ADAMTS12: variants seen among roughly 807,000 people sequenced by gnomAD.
ADAMTS12 encodes A disintegrin and metalloproteinase with thrombospondin motifs 12.
In ADAMTS12, 118 loss-of-function variants were observed where a neutral mutation model predicts 167.8. That is an observed-to-expected ratio of 0.70 (90% confidence interval 0.61 to 0.82). ADAMTS12 has a LOEUF of 0.82. Ranked by LOEUF, ADAMTS12 falls within the 40% of genes least tolerant of loss-of-function variation. The pLI, the probability that ADAMTS12 is intolerant of heterozygous loss-of-function variation, is 0.00. For synonymous variants in ADAMTS12, 704 were observed against 716.9 expected (o/e 0.98, Z 0.29); for missense variants, 1,916 against 1,998.8 (o/e 0.96, Z 0.79).
At chr5:33,768,637 AG>A (rs568192538) in intron 2 of ADAMTS12, among the ~76,000 whole-genome samples, 80 of 152,294 alleles carry the variant, frequency 5.3e-4, no homozygotes, top group African/African-American at 1.9e-3. Context: ...ATAATTTATA[AG>A]GTTTTTAATG....
chr5:33,586,556 C>T (rs1014445754), intron 18 of ADAMTS12, among the ~76,000 whole-genome samples: 2 of 152,204 alleles, frequency 1.3e-5, no homozygotes, highest in Admixed American at 6.5e-5. Flanking sequence ...CAGGTTACTA[C>T]GCTTCCCATA....
chr5:33,743,650 G>A (rs1255930232), intron 3 of ADAMTS12, among the ~76,000 whole-genome samples: 1 of 152,156 alleles, frequency 6.6e-6, no homozygotes, highest in Non-Finnish European at 1.5e-5. Flanking sequence ...AGCTCGCTGA[G>A]TAAATGAAAT....
intron 12 of ADAMTS12, among the ~76,000 whole-genome samples, chr5:33,635,824 G>A (rs1740165895): frequency 6.6e-6 from 1 of 152,178 alleles, no homozygotes; most frequent in Admixed American, 6.5e-5. Context: ...TGCTGTTCAA[G>A]GTAGTAGCTA....
At chr5:33,704,602 A>T (rs1946263) in intron 3 of ADAMTS12, among the ~76,000 whole-genome samples, 130,820 of 152,168 alleles carry the variant, frequency 0.86, 56,507 homozygotes, top group Non-Finnish European at 0.89. Flanking sequence ...TGATTAGTAA[A>T]GTTGATCCCG....
At chr5:33,577,376 C>T (rs915421344) in intron 18 of ADAMTS12, among the ~76,000 whole-genome samples, 2 of 152,216 alleles carry the variant, frequency 1.3e-5, no homozygotes, top group African/African-American at 4.8e-5. Flanking sequence ...TTATTCTTCA[C>T]AAACTGAAAA....
chr5:33,806,575 C>T (rs1747237817), intron 2 of ADAMTS12, among the ~76,000 whole-genome samples: 2 of 150,910 alleles, frequency 1.3e-5, no homozygotes, highest in South Asian at 4.3e-4. Flanking sequence ...GATGCTGACA[C>T]TCCCCTTCTC....
intron 16 of ADAMTS12, among the ~76,000 whole-genome samples, chr5:33,598,730 G>C (rs996824906): frequency 3.3e-5 from 5 of 152,196 alleles, no homozygotes; most frequent in Admixed American, 2.0e-4. Context: ...TTGCCTTCGT[G>C]AGTGTGCATA....
At chr5:33,581,118 C>T (rs1191013374) in intron 18 of ADAMTS12, among the ~76,000 whole-genome samples, 2 of 152,212 alleles carry the variant, frequency 1.3e-5, no homozygotes, top group Admixed American at 1.3e-4. Flanking sequence ...CAGCTCCACG[C>T]TTCTTCTAGT....
chr5:33,610,795 A>G (rs759172855), intron 16 of ADAMTS12, among the ~76,000 whole-genome samples: 1 of 152,176 alleles, frequency 6.6e-6, no homozygotes, highest in South Asian at 2.1e-4. Context: ...GACTGGGCAC[A>G]GTGGCTCATG....
chr5:33,532,236 A>G (rs561550636), intron 23 of ADAMTS12, among the ~76,000 whole-genome samples: 67 of 152,256 alleles, frequency 4.4e-4, no homozygotes, highest in African/African-American at 1.5e-3. Flanking sequence ...AACAATTTCA[A>G]TGTTGTTGAC....
chr5:33,855,554 G>A lies in ADAMTS12; in HGVS notation c.489+25565C>T, dbSNP rs150205828. 4.8e-3 allele frequency among the ~76,000 whole-genome samples: 732 copies of A among 152,234 alleles called. 1 individual carries two copies. The highest frequency in any genetic ancestry group is 7.9e-3 in the African/African-American group (328 of 41,520). On this transcript the variant is annotated intron_variant, in intron 2 of 23. Coordinates refer to ENST00000504830, the MANE Select transcript of ADAMTS12 (RefSeq NM_030955.4). ...TTAAAATAAAAATTGTCTTCATCTC[G>A]ATGTAAAGGTGGTTAAACAGGGAAA...
chr5:33,535,636 T>A (rs1004105753), intron 22 of ADAMTS12, among the ~76,000 whole-genome samples: 6 of 152,206 alleles, frequency 3.9e-5, no homozygotes, highest in Admixed American at 1.3e-4. Flanking sequence ...CATCTTTGCA[T>A]CATGAGTATA....
chr5:33,605,127 C>T (rs562627850), intron 16 of ADAMTS12, among the ~76,000 whole-genome samples: 15 of 152,334 alleles, frequency 9.8e-5, no homozygotes, highest in South Asian at 2.1e-4. Flanking sequence ...ACTTACCCAA[C>T]GGAGCACAGA....
At chr5:33,614,159 A>G in intron 16 of ADAMTS12, 79 bp downstream of exon 16, 2 of 1,537,578 alleles carry the variant, frequency 1.3e-6, no homozygotes, top group South Asian at 1.2e-5. Context: ...GAGAGCACAA[A>G]GCAAATCACT....
At position 33,724,717 on chromosome 5, in the gene ADAMTS12, A is replaced by G. The variant is rs370668343; in HGVS notation, c.634+26687T>C. Among the ~76,000 whole-genome samples, 887 of 151,948 alleles carry G rather than the reference A, an allele frequency of 5.8e-3. 4 individuals are homozygous for G. The highest frequency in any genetic ancestry group is 0.02 in the African/African-American group (845 of 41,430). ...CAGGCGCCCGCCACCGTGCCCGGCTAATTTTTTGTATTTTTAGTAGAGACG... is the reference window on the plus strand; with the variant it reads ...CAGGCGCCCGCCACCGTGCCCGGCTGATTTTTTGTATTTTTAGTAGAGACG... On this transcript the variant is annotated intron_variant, in intron 3 of 23. Transcript: ENST00000504830.
In ADAMTS12 at chr5:33,788,803, G is replaced by A. The variant is rs189673182; in HGVS notation, c.490-37255C>T. 2.5e-4 allele frequency among the ~76,000 whole-genome samples: 38 copies of A among 152,270 alleles called. No individual in the cohort carries two copies. In the South Asian group the frequency reaches 4.2e-3, roughly 17 times the overall value. On this transcript the variant is annotated intron_variant, in intron 2 of 23. Transcript: ENST00000504830. ...ACTTGGCAGTTACTAAAGCACATGC[G>A]CACACATTCACCTTTGTTCTTCCCA... is the stretch of plus-strand genomic sequence containing the variant.
intron 12 of ADAMTS12, among the ~76,000 whole-genome samples, chr5:33,633,815 A>C (rs1378567465): frequency 1.3e-5 from 2 of 152,138 alleles, no homozygotes; most frequent in Non-Finnish European, 2.9e-5. Flanking sequence ...TCATCTCTAC[A>C]GAGTTGAGTA....
At chr5:33,706,081 A>T (rs1395773235) in intron 3 of ADAMTS12, among the ~76,000 whole-genome samples, 3 of 152,146 alleles carry the variant, frequency 2.0e-5, no homozygotes, top group African/African-American at 7.2e-5. Context: ...TCCTATCAAA[A>T]TACCAATGAC....
At chr5:33,817,980 A>G (rs1039635315) in intron 2 of ADAMTS12, among the ~76,000 whole-genome samples, 1 of 152,080 alleles carries the variant, frequency 6.6e-6, no homozygotes, top group Non-Finnish European at 1.5e-5. Flanking sequence ...GTATGGATTT[A>G]TTTGTCTTTT....
Sources: gnomAD v4.1 joint callset for allele counts (sites outside exome capture counted in the v4.1 genomes callset) on GRCh38, gnomAD v4.1.1 for gene constraint, MANE v1.5 for transcripts, NCBI Gene and HGNC (gene_info 2026-07-23, HGNC 2026-07-21) for gene names.